Variants in ANKRD66 observed in about 807,000 individuals in gnomAD.
The protein encoded by ANKRD66 is ankyrin repeat domain 66.
A neutral mutation model predicts 10.9 loss-of-function variants in ANKRD66; 10 were observed. That is an observed-to-expected ratio of 0.91 (90% CI 0.56 to 1.55). ANKRD66 has a LOEUF of 1.55. ANKRD66 is among the 40% of genes most tolerant of loss of function. The probability of loss-of-function intolerance (pLI) is 0.00; values close to 1 mark genes in which losing one functional copy is unlikely to be tolerated. For synonymous variants in ANKRD66, 85 were observed against 88.4 expected, an observed-to-expected ratio of 0.96 and a Z score of 0.22; for missense variants, 252 against 242.9, an observed-to-expected ratio of 1.04 and a Z score of -0.25.
intron 1 of ANKRD66, among the ~76,000 whole-genome samples, chr6:46,749,215 G>T (rs1766209980): frequency 6.6e-6 from 1 of 152,190 alleles, no homozygotes; most frequent in Non-Finnish European, 1.5e-5. Context: ...GGTGGCAACT[G>T]CTGGGACTGA....
Position 46,759,105 on chromosome 6 carries a change from A to G in ANKRD66, c.*184A>G. ...TCCTGGCTAGCACCTACTGTGTACA[A>G]TAATTACCGGGAAAGGACAAAACCT... On this transcript the variant is annotated 3_prime_UTR_variant, in exon 5 of 5. Coordinates refer to ENST00000565422, the MANE Select transcript of ANKRD66 (RefSeq NM_001162435.3). 1 of 472,216 alleles carries G rather than the reference A, an allele frequency of 2.1e-6. No homozygotes were observed. The highest frequency in any genetic ancestry group is 1.9e-5 in the African/African-American group (1 of 51,714). The allele number at this position is 472,216 out of a possible 1,614,324, so 29.3% of individuals were successfully genotyped here.
chr6:46,748,636 A>G (rs1317806176), intron 1 of ANKRD66, among the ~76,000 whole-genome samples: 1 of 152,196 alleles, frequency 6.6e-6, no homozygotes, highest in African/African-American at 2.4e-5. Flanking sequence ...CAGAGCATCT[A>G]CTTCACAAAA....
At chr6:46,752,166 C>G in intron 3 of ANKRD66, 55 bp downstream of exon 3, 1 of 1,362,002 alleles carries the variant, frequency 7.3e-7, no homozygotes. Context: ...ATTCATGAGG[C>G]TATCAATCAG....
chr6:46,755,891 T>C (rs1766373220), intron 4 of ANKRD66, among the ~76,000 whole-genome samples: 1 of 152,224 alleles, frequency 6.6e-6, no homozygotes, highest in Admixed American at 6.5e-5. Flanking sequence ...AATTTTTGAA[T>C]AGTTTTCTGT....
intron 1 of ANKRD66, among the ~76,000 whole-genome samples, chr6:46,748,552 G>A (rs919906248): frequency 1.4e-4 from 22 of 152,152 alleles, no homozygotes; most frequent in Admixed American, 1.4e-3. Context: ...CAGTGTAAGG[G>A]ATTTCTATTA....
intron 1 of ANKRD66, among the ~76,000 whole-genome samples, chr6:46,748,013 C>A (rs1048362340): frequency 3.9e-5 from 6 of 152,116 alleles, no homozygotes; most frequent in Admixed American, 2.6e-4. Context: ...GATCACAGAC[C>A]TAAAAGTAAG....
At chr6:46,758,699 A>G (rs1191762843) in intron 4 of ANKRD66, 24 bp from the exon 5 acceptor site, 1 of 1,527,128 alleles carries the variant, frequency 6.5e-7, no homozygotes, top group Non-Finnish European at 8.8e-7. Context: ...ATCCAAGTTC[A>G]GAAGGCTCTC....
chr6:46,759,100 G>A lies in ANKRD66; in HGVS notation c.*179G>A. The stretch of plus-strand genomic sequence containing the variant: ...TTGTTTCCTGGCTAGCACCTACTGT[G>A]TACAATAATTACCGGGAAAGGACAA... On this transcript the variant is annotated 3_prime_UTR_variant, in exon 5 of 5. Coordinates refer to ENST00000565422, the MANE Select transcript of ANKRD66 (RefSeq NM_001162435.3). 1 of 480,204 alleles carries A rather than the reference G, an allele frequency of 2.1e-6. No individual in the cohort carries two copies. Among genetic ancestry groups the A allele is most frequent in the South Asian group, 6.6e-5 (1 of 15,110 alleles). 29.7% of individuals were successfully genotyped at this position (480,204 alleles called of 1,614,324 possible). A position where few individuals can be genotyped will look rare whatever the true frequency, so the allele number is the denominator to read the frequency against.
At position 46,753,846 on chromosome 6, in the gene ANKRD66, C is replaced by T. The variant is rs1165612567; in HGVS notation, c.288C>T (p.Leu96=). The change falls in exon 4 of 5, where the codon CTC becomes CTT. Residue 96 remains leucine, a synonymous_variant. Coordinates refer to ENST00000565422, the MANE Select transcript of ANKRD66 (RefSeq NM_001162435.3). ...GCCATCTGAATATACTCAAAACTCT[C>T]CATGCATTGCACGCTGCCATCGACG... ...EAGHLNILKT[L]HALHAAIDAP... is the part of the protein sequence containing the mutation. The T allele has an allele frequency of 1.4e-5, 21 of 1,551,602 alleles. No individual in the cohort carries two copies. In the South Asian group the frequency reaches 1.5e-4, roughly 11 times the overall value.
In ANKRD66 at chr6:46,749,264, G is replaced by A. The variant is rs529557975; in HGVS notation, c.-96-632G>A. The stretch of plus-strand genomic sequence containing the variant: ...AGTATGGGAGTTGGTGGCTCCATGA[G>A]CCTCCATGTCTCCTGCCAACTAACT... On this transcript the variant is annotated intron_variant, in intron 1 of 4. Coordinates refer to ENST00000565422, the MANE Select transcript of ANKRD66 (RefSeq NM_001162435.3). Among the ~76,000 whole-genome samples the A allele has an allele frequency of 6.6e-5, 10 of 152,292 alleles. No homozygotes were observed. In the South Asian group the frequency reaches 1.4e-3, roughly 22 times the overall value.
At chr6:46,748,750 C>T (rs778259201) in intron 1 of ANKRD66, among the ~76,000 whole-genome samples, 1 of 152,184 alleles carries the variant, frequency 6.6e-6, no homozygotes, top group Non-Finnish European at 1.5e-5. Flanking sequence ...TCATGTATCC[C>T]CTCAGTTGAG....
intron 4 of ANKRD66, chr6:46,756,020 T>G: frequency 7.3e-6 from 3 of 412,510 alleles, no homozygotes; most frequent in South Asian, 5.4e-5. Flanking sequence ...AACTTTTTCA[T>G]CTTGTAAAAC....
At chr6:46,752,852 T>C (rs376046321) in intron 3 of ANKRD66, among the ~76,000 whole-genome samples, 2 of 152,194 alleles carry the variant, frequency 1.3e-5, no homozygotes, top group South Asian at 2.1e-4. Context: ...TAGAGGAAGA[T>C]AGTGGCAAAA....
intron 1 of ANKRD66, 57 bp downstream of exon 1, chr6:46,747,047 A>T (rs1164744923): frequency 1.3e-6 from 2 of 1,503,170 alleles, no homozygotes; most frequent in African/African-American, 2.8e-5. Flanking sequence ...AATCACTCAC[A>T]TTTATTAAAA....
intron 2 of ANKRD66, 87 bp downstream of exon 2, chr6:46,750,066 A>G: frequency 1.4e-6 from 1 of 698,624 alleles, no homozygotes; most frequent in South Asian, 1.6e-5. Flanking sequence ...AGTGAAGTTG[A>G]CTCCAGCTCC....
intron 1 of ANKRD66, among the ~76,000 whole-genome samples, chr6:46,747,221 T>C (rs1766162781): frequency 6.6e-6 from 1 of 152,150 alleles, no homozygotes; most frequent in South Asian, 2.1e-4. Context: ...TAGTGAGTTG[T>C]ATATATTTTC....
In ANKRD66 at chr6:46,759,252, A is replaced by T. The variant is rs564932191; in HGVS notation, c.*331A>T. ...TGAATTAACTTCATCCCTGATAACG[A>T]TCGAGAGATAATGTAAAATAATGAA... On this transcript the variant is annotated 3_prime_UTR_variant, in exon 5 of 5. Coordinates refer to ENST00000565422, the MANE Select transcript of ANKRD66 (RefSeq NM_001162435.3). 20 of 190,568 alleles carry T rather than the reference A, an allele frequency of 1.0e-4. No homozygotes were observed. The South Asian group carries it at 3.2e-3, about 31-fold the overall frequency. 11.8% of individuals were successfully genotyped at this position (190,568 alleles called of 1,614,324 possible).
chr6:46,750,301 A>G (rs993252996), intron 2 of ANKRD66, among the ~76,000 whole-genome samples: 2 of 152,166 alleles, frequency 1.3e-5, no homozygotes, highest in Non-Finnish European at 2.9e-5. Flanking sequence ...TTGGAAATTA[A>G]AACTGAGAAA....
intron 4 of ANKRD66, among the ~76,000 whole-genome samples, chr6:46,754,597 T>C (rs1410821): frequency 0.72 from 109,279 of 152,080 alleles, 40,286 homozygotes; most frequent in African/African-American, 0.86. Flanking sequence ...AGTAGAGTAT[T>C]GGAGTGAGGG....
Sources: gnomAD v4.1 joint callset for allele counts (sites outside exome capture counted in the v4.1 genomes callset) on GRCh38, gnomAD v4.1.1 for gene constraint, MANE v1.5 for transcripts, NCBI Gene and HGNC (gene_info 2026-07-23, HGNC 2026-07-21) for gene names.